Variants in NRXN3 observed in about 807,000 individuals in gnomAD.
NRXN3 encodes neurexin III.
Under a neutral mutation model 137.6 loss-of-function variants are expected in NRXN3, and 32 were observed. The observed-to-expected ratio is 0.23, with a 90% CI of 0.18 to 0.31. The LOEUF is 0.31. NRXN3 is among the 10% of genes least tolerant of loss of function. The pLI is 1.00. For missense variants in NRXN3, 1,574 were observed against 2,062.5 expected (o/e 0.76, Z 4.59); for synonymous variants, 798 against 784.5 (o/e 1.02, Z -0.29).
chr14:79,613,108 A>G (rs755445830), intron 16 of NRXN3, among the ~76,000 whole-genome samples: 2 of 152,308 alleles, frequency 1.3e-5, no homozygotes, highest in African/African-American at 4.8e-5. Flanking sequence ...TGCCTGTACT[A>G]TGAATGTAGT....
At chr14:79,746,456 G>A (rs553329025) in intron 19 of NRXN3, among the ~76,000 whole-genome samples, 1 of 152,092 alleles carries the variant, frequency 6.6e-6, no homozygotes, top group Non-Finnish European at 1.5e-5. Context: ...ACAAGTCTTG[G>A]AAGCTGCTCT....
intron 16 of NRXN3, among the ~76,000 whole-genome samples, chr14:79,496,008 G>A (rs935868358): frequency 2.0e-5 from 3 of 151,806 alleles, no homozygotes; most frequent in Non-Finnish European, 4.4e-5. Flanking sequence ...TTAAACACTT[G>A]AGGGCAAACA....
chr14:78,457,683 A>G (rs1333207716), intron 4 of NRXN3, among the ~76,000 whole-genome samples: 1 of 152,216 alleles, frequency 6.6e-6, no homozygotes, highest in East Asian at 1.9e-4. Context: ...TGCCACAGGT[A>G]GATATTATAT....
intron 19 of NRXN3, among the ~76,000 whole-genome samples, chr14:79,709,857 CATT>C (rs1222656374): frequency 2.0e-5 from 3 of 152,014 alleles, no homozygotes; most frequent in East Asian, 1.9e-4. Flanking sequence ...GGCCATTTCT[CATT>C]ATTATTATTA....
At chr14:79,549,154 C>T (rs1384494695) in intron 16 of NRXN3, among the ~76,000 whole-genome samples, 2 of 152,128 alleles carry the variant, frequency 1.3e-5, no homozygotes, top group East Asian at 3.9e-4. Context: ...CTGTGAGCTA[C>T]TGCATTGTTT....
intron 19 of NRXN3, among the ~76,000 whole-genome samples, chr14:79,788,101 G>C (rs994556855): frequency 1.3e-5 from 2 of 152,174 alleles, no homozygotes; most frequent in Admixed American, 6.5e-5. Context: ...GACAGAAGAA[G>C]AGCAAAGGCA....
At chr14:78,542,654 G>C (rs2096602002) in intron 4 of NRXN3, among the ~76,000 whole-genome samples, 1 of 152,162 alleles carries the variant, frequency 6.6e-6, no homozygotes, top group African/African-American at 2.4e-5. Context: ...TGGGTGAGGC[G>C]ATGCCCCACC....
intron 2 of NRXN3, among the ~76,000 whole-genome samples, chr14:78,257,773 T>G (rs574903666): frequency 6.6e-6 from 1 of 152,290 alleles, no homozygotes; most frequent in East Asian, 1.9e-4. Flanking sequence ...CGGGAACCAT[T>G]GGAAGTTTTT....
chr14:78,505,010 C>T (rs1024345082), intron 4 of NRXN3, among the ~76,000 whole-genome samples: 2 of 152,086 alleles, frequency 1.3e-5, no homozygotes, highest in African/African-American at 2.4e-5. Context: ...ACACAAAGCT[C>T]ATTTAGAGCC....
intron 15 of NRXN3, among the ~76,000 whole-genome samples, chr14:79,445,837 C>G (rs1176308568): frequency 6.6e-6 from 1 of 152,020 alleles, no homozygotes; most frequent in Non-Finnish European, 1.5e-5. Context: ...GCCTTTGGGG[C>G]TGTTGTAAAG....
chr14:78,550,189 C>T (rs565754167), intron 4 of NRXN3, among the ~76,000 whole-genome samples: 1 of 152,158 alleles, frequency 6.6e-6, no homozygotes, highest in South Asian at 2.1e-4. Context: ...CATGTGCCAC[C>T]ACGCCTGGCT....
intron 2 of NRXN3, among the ~76,000 whole-genome samples, chr14:78,246,676 G>T (rs2067728840): frequency 6.6e-6 from 1 of 152,114 alleles, no homozygotes; most frequent in Non-Finnish European, 1.5e-5. Context: ...GAAAATAACC[G>T]TTGCCTCCAC....
At chr14:79,181,091 C>T (rs1006821362) in intron 15 of NRXN3, among the ~76,000 whole-genome samples, 3 of 150,900 alleles carry the variant, frequency 2.0e-5, no homozygotes, top group African/African-American at 7.3e-5. Context: ...TATGCACACA[C>T]ACATAGGCAT....
chr14:78,535,010 T>C (rs937091503), intron 4 of NRXN3, among the ~76,000 whole-genome samples: 7 of 152,202 alleles, frequency 4.6e-5, no homozygotes, highest in Non-Finnish European at 7.3e-5. Context: ...ATTGTTCCTT[T>C]GTTATAAGTA....
intron 4 of NRXN3, chr14:78,602,291 A>G (rs61976088): frequency 1.2e-5 from 1 of 83,288 alleles, no homozygotes; most frequent in African/African-American, 6.1e-5. Flanking sequence ...TTTTTTTTAA[A>G]TTCCAAGGAA....
At chr14:78,723,073 G>C (rs2098467295) in intron 8 of NRXN3, among the ~76,000 whole-genome samples, 1 of 152,202 alleles carries the variant, frequency 6.6e-6, no homozygotes, top group Non-Finnish European at 1.5e-5. Flanking sequence ...AGATGCAGCT[G>C]TAGGGGTGAC....
intron 15 of NRXN3, among the ~76,000 whole-genome samples, chr14:79,216,940 G>A (rs2068617127): frequency 6.6e-6 from 1 of 152,032 alleles, no homozygotes; most frequent in Admixed American, 6.6e-5. Context: ...ATCAAGGCCA[G>A]CCTGGCTAAC....
At chr14:78,329,845 CATA>C (rs1297670254) in intron 4 of NRXN3, among the ~76,000 whole-genome samples, 1 of 152,086 alleles carries the variant, frequency 6.6e-6, no homozygotes, top group Admixed American at 6.6e-5. Context: ...TCATTTTTCT[CATA>C]ATATTTTGGA....
At chr14:78,857,959 G>A (rs754498020) in intron 10 of NRXN3, among the ~76,000 whole-genome samples, 1 of 152,178 alleles carries the variant, frequency 6.6e-6, no homozygotes, top group East Asian at 1.9e-4. Context: ...TTCTGAATTA[G>A]TTTCTTCTAC....
Sources: gnomAD v4.1 joint callset for allele counts (sites outside exome capture counted in the v4.1 genomes callset) on GRCh38, gnomAD v4.1.1 for gene constraint, MANE v1.5 for transcripts, NCBI Gene and HGNC (gene_info 2026-07-23, HGNC 2026-07-21) for gene names.